PHACTR2: variants seen among roughly 807,000 people sequenced by gnomAD.
PHACTR2 encodes phosphatase and actin regulator 2, also known as chromosome 6 open reading frame 56.
A neutral mutation model predicts 76.0 loss-of-function variants in PHACTR2; 30 were observed. That is an observed-to-expected ratio of 0.39 (90% CI 0.30 to 0.54). PHACTR2 has a LOEUF of 0.54. PHACTR2 is among the 20% of genes least tolerant of loss of function. The probability of loss-of-function intolerance (pLI) is 0.61; values close to 1 mark genes in which losing one functional copy is unlikely to be tolerated. For missense variants in PHACTR2, 696 were observed against 781.1 expected (o/e 0.89, Z 1.30); for synonymous variants, 292 against 292.5 (o/e 1.00, Z 0.02).
At chr6:143,626,380 A>T (rs1341296839) in intron 1 of PHACTR2, among the ~76,000 whole-genome samples, 1 of 151,798 alleles carries the variant, frequency 6.6e-6, no homozygotes, top group Admixed American at 6.6e-5. Context: ...TACTGAAAAT[A>T]AAAAAAATTA....
chr6:143,568,515 A>G (rs1195767136), intron 1 of PHACTR2, among the ~76,000 whole-genome samples: 6 of 152,240 alleles, frequency 3.9e-5, no homozygotes. Flanking sequence ...GCTGTGCTCC[A>G]GCTGCTGGCT....
At position 143,597,397 on chromosome 6, in the gene PHACTR2, C is replaced by A. The variant is rs1213481165; in HGVS notation, c.217+60190C>A. Among the ~76,000 whole-genome samples, 1 of 152,152 alleles carries A rather than the reference C, an allele frequency of 6.6e-6. No individual in the cohort carries two copies. Among genetic ancestry groups the A allele is most frequent in the African/African-American group, 2.4e-5 (1 of 41,432 alleles). ...CATGCATTTTCATTAAATGTGATTT[C>A]TTTTATTCAAGGTGAATATCATCCT... On this transcript the variant is annotated intron_variant, in intron 1 of 11. Transcript: ENST00000367584. This position sits in a 1 kb window ranked among gnomAD's most constrained non-coding sequence, Gnocchi z 5.7.
intron 2 of PHACTR2, among the ~76,000 whole-genome samples, chr6:143,718,887 T>G (rs1290341696): frequency 2.8e-4 from 40 of 143,598 alleles, no homozygotes; most frequent in African/African-American, 8.3e-4. Flanking sequence ...TTTTTTTTTT[T>G]TTTTTTTTTT....
intron 1 of PHACTR2, among the ~76,000 whole-genome samples, chr6:143,657,437 T>C (rs1310782554): frequency 1.3e-5 from 2 of 152,168 alleles, no homozygotes; most frequent in South Asian, 4.2e-4. Context: ...GTACGTGTTT[T>C]TCCAATCCTA....
rs1777789347 is a variant in PHACTR2, at chr6:143,697,010, A to G, written c.47-15006A>G. On this transcript the variant is annotated intron_variant, in intron 1 of 12. Coordinates refer to ENST00000440869, the MANE Select transcript of PHACTR2 (RefSeq NM_001100164.2). The surrounding 1 kb of genome is among the most constrained non-coding windows in gnomAD (Gnocchi z 4.4). ...GTAGAGTCAGATGTTTGCCACCACAACACTGGGCTATTATGCAAGGTAGTT... is the reference window on the plus strand; with the variant it reads ...GTAGAGTCAGATGTTTGCCACCACAGCACTGGGCTATTATGCAAGGTAGTT... 1.3e-5 allele frequency among the ~76,000 whole-genome samples: 2 copies of G among 152,284 alleles called. No homozygotes were observed. The highest frequency in any genetic ancestry group is 6.5e-5 in the Admixed American group (1 of 15,304).
Position 143,689,388 on chromosome 6 carries a change from A to G in PHACTR2, c.46+11179A>G, listed in dbSNP as rs1777589642. Among the ~76,000 whole-genome samples the G allele has an allele frequency of 6.6e-6, 1 of 152,242 alleles. No individual in the cohort carries two copies. The highest frequency in any genetic ancestry group is 2.4e-5 in the African/African-American group (1 of 41,456). Reference sequence around the variant, plus strand: ...CTGACACCAAAACTATTTGTCAAATAAATGAATAGCTCTGTTTGGCCAGGT... The same window carrying G: ...CTGACACCAAAACTATTTGTCAAATGAATGAATAGCTCTGTTTGGCCAGGT... On this transcript the variant is annotated intron_variant, in intron 1 of 12. Transcript: ENST00000440869. This position sits in a 1 kb window ranked among gnomAD's most constrained non-coding sequence, Gnocchi z 4.4.
At chr6:143,705,077 G>A (rs764049607) in intron 1 of PHACTR2, among the ~76,000 whole-genome samples, 13 of 151,602 alleles carry the variant, frequency 8.6e-5, no homozygotes, top group Non-Finnish European at 1.6e-4. Flanking sequence ...TGCCTGCCTC[G>A]GCCTCCCAAA....
rs1778146133 is a variant in PHACTR2 at position 143,710,294 on chromosome 6, TC to T, written c.47-1719del. Reference sequence around the variant, plus strand: ...CCGTGTTGTTTCTTGGGTTCTGAGGTCCCAGGCTTGTCTACCTTCCCTTGGC... The same window carrying T: ...CCGTGTTGTTTCTTGGGTTCTGAGGTCCAGGCTTGTCTACCTTCCCTTGGC... On this transcript the variant is annotated intron_variant, in intron 1 of 12. Coordinates refer to ENST00000440869, the MANE Select transcript of PHACTR2 (RefSeq NM_001100164.2). The surrounding 1 kb of genome is among the most constrained non-coding windows in gnomAD (Gnocchi z 4.9). 1.3e-5 allele frequency among the ~76,000 whole-genome samples: 2 copies of T among 152,192 alleles called. No homozygotes were observed. The highest frequency in any genetic ancestry group is 2.9e-5 in the Non-Finnish European group (2 of 68,026).
Position 143,608,401 on chromosome 6 carries a change from T to A in PHACTR2, c.13+79T>A. Reference sequence around the variant, plus strand: ...CATCCTTTACTGCGGAAGGTTTGCCTATTTGTTGCTCTCGTTTTGCACTTA... The same window carrying A: ...CATCCTTTACTGCGGAAGGTTTGCCAATTTGTTGCTCTCGTTTTGCACTTA... On this transcript the variant is annotated intron_variant, in intron 1 of 11. Coordinates refer to the PHACTR2 transcript ENST00000305766. This position sits in a 1 kb window ranked among gnomAD's most constrained non-coding sequence, Gnocchi z 4.6. The A allele has an allele frequency of 6.9e-7, 1 of 1,446,618 alleles. No homozygotes were observed. Among genetic ancestry groups the A allele is most frequent in the Non-Finnish European group, 9.7e-7 (1 of 1,030,098 alleles). 89.6% of individuals were successfully genotyped at this position (1,446,618 alleles called of 1,614,324 possible). A position where few individuals can be genotyped will look rare whatever the true frequency, so the allele number is the denominator to read the frequency against.
rs1776981012 is a variant in PHACTR2, at chr6:143,663,627, T to A, written c.14-48389T>A. 6.6e-6 allele frequency among the ~76,000 whole-genome samples: 1 copy of A among 152,230 alleles called. No homozygotes were observed. Among genetic ancestry groups the A allele is most frequent in the Non-Finnish European group, 1.5e-5 (1 of 68,048 alleles). On this transcript the variant is annotated intron_variant, in intron 1 of 11. Transcript: ENST00000305766. The surrounding 1 kb of genome is among the most constrained non-coding windows in gnomAD (Gnocchi z 4.1). The stretch of plus-strand genomic sequence containing the variant: ...TAATTCTACATGTTTTATAGTGCTT[T>A]CATTGTTGTTTAGTTCTAAATATTT...
intron 1 of PHACTR2, among the ~76,000 whole-genome samples, chr6:143,703,272 A>G (rs949805387): frequency 2.6e-5 from 4 of 152,030 alleles, no homozygotes; most frequent in African/African-American, 9.7e-5. Context: ...GAAGAAGCAT[A>G]AGGAGGATTT....
At chr6:143,538,507 G>C (rs1297137487) in intron 1 of PHACTR2, among the ~76,000 whole-genome samples, 3 of 152,236 alleles carry the variant, frequency 2.0e-5, no homozygotes, top group Non-Finnish European at 4.4e-5. Context: ...AAGCTAGCTA[G>C]CATCAAAAAC....
rs562330489 is a variant in PHACTR2, at chr6:143,782,182, C to T, written c.1646-1037C>T. Among the ~76,000 whole-genome samples, 11 of 152,004 alleles carry T rather than the reference C, an allele frequency of 7.2e-5. No homozygotes were observed. The highest frequency in any genetic ancestry group is 1.9e-4 in the African/African-American group (8 of 41,474). ...CGGAGGTTGCGGTGAGCCAAGATCG[C>T]GCCACTGCACTCTAGCCTGGGTGAC... On this transcript the variant is annotated intron_variant, in intron 9 of 12. Transcript: ENST00000440869. The surrounding 1 kb of genome is among the most constrained non-coding windows in gnomAD (Gnocchi z 4.6).
chr6:143,607,249 G>A (rs1483665353), upstream of PHACTR2, among the ~76,000 whole-genome samples: 1 of 152,186 alleles, frequency 6.6e-6, no homozygotes, highest in Non-Finnish European at 1.5e-5. Context: ...GGTCCTATGA[G>A]GTCATTGCAA....
In PHACTR2 at chr6:143,709,113, G is replaced by T. The variant is rs913343642; in HGVS notation, c.47-2903G>T. ...GGGTTTGCCCTCTGGTTCAAAGAGG[G>T]AAGTTGGACAGGAGTTAAATTGAAG... On this transcript the variant is annotated intron_variant, in intron 1 of 12. Coordinates refer to ENST00000440869, the MANE Select transcript of PHACTR2 (RefSeq NM_001100164.2). This position sits in a 1 kb window ranked among gnomAD's most constrained non-coding sequence, Gnocchi z 4.4. 2.0e-5 allele frequency among the ~76,000 whole-genome samples: 3 copies of T among 152,188 alleles called. No homozygotes were observed. Among genetic ancestry groups the T allele is most frequent in the Non-Finnish European group, 4.4e-5 (3 of 68,032 alleles).
In PHACTR2 at chr6:143,591,108, CTG is replaced by C. The variant is rs113031398; in HGVS notation, c.217+53903_217+53904del. Among the ~76,000 whole-genome samples, 1,810 of 151,996 alleles carry C rather than the reference CTG, an allele frequency of 0.012. 40 individuals carry two copies. The highest frequency in any genetic ancestry group is 0.041 in the African/African-American group (1,709 of 41,468). ...TTTGAAATATTAACAGGTTTTTTTT[CTG>C]TAATTCTTTGTGCCTTGTGATGCTT... On this transcript the variant is annotated intron_variant, in intron 1 of 11. Transcript: ENST00000367584. The surrounding 1 kb of genome is among the most constrained non-coding windows in gnomAD (Gnocchi z 6.4).
In PHACTR2 at chr6:143,772,047, A is replaced by G. The variant is rs1278891624; in HGVS notation, c.1233-211A>G. ...ACCCTATTTGTTTGCTAAATGTATC[A>G]GATACCAAGCGTTTGCATTTTACAG... is the stretch of plus-strand genomic sequence containing the variant. On this transcript the variant is annotated intron_variant, in intron 6 of 12. Transcript: ENST00000440869. This position sits in a 1 kb window ranked among gnomAD's most constrained non-coding sequence, Gnocchi z 5.4. 2.0e-5 allele frequency among the ~76,000 whole-genome samples: 3 copies of G among 152,238 alleles called. No individual in the cohort carries two copies. Among genetic ancestry groups the G allele is most frequent in the African/African-American group, 7.2e-5 (3 of 41,468 alleles).
At chr6:143,629,936 G>A (rs1296970357) in intron 1 of PHACTR2, among the ~76,000 whole-genome samples, 1 of 152,102 alleles carries the variant, frequency 6.6e-6, no homozygotes, top group African/African-American at 2.4e-5. Context: ...GCCTTCGTGA[G>A]TGAGCAGATG....
intron 11 of PHACTR2, among the ~76,000 whole-genome samples, chr6:143,802,021 C>T (rs141684183): frequency 8.5e-5 from 13 of 152,256 alleles, no homozygotes; most frequent in African/African-American, 3.1e-4. Context: ...TTCAACAAAT[C>T]ACCTGTTGCT....
Sources: gnomAD v4.1 joint callset for allele counts (sites outside exome capture counted in the v4.1 genomes callset) on GRCh38, gnomAD v4.1.1 for gene constraint, Gnocchi (gnomAD v3.1) non-coding constraint, MANE v1.5 for transcripts, NCBI Gene and HGNC (gene_info 2026-07-23, HGNC 2026-07-21) for gene names.